Variants in PRDM16 observed in about 807,000 individuals in gnomAD.
The protein encoded by PRDM16 is PR/SET domain 16.
PRDM16 carries 23 observed loss-of-function variants against 110.6 expected under a neutral mutation model. The observed-to-expected ratio is 0.21, with a 90% CI of 0.15 to 0.29. PRDM16 has a LOEUF of 0.29. Among genes scored for constraint, PRDM16 ranks in the 10% least tolerant of loss-of-function variants. The pLI, the probability that PRDM16 is intolerant of heterozygous loss-of-function variation, is 1.00. For synonymous variants in PRDM16, 799 were observed against 781.8 expected (o/e 1.02, Z -0.37); for missense variants, 1,615 against 1,794.3 (o/e 0.90, Z 1.81).
chr1:3,225,981 A>G (rs1173680834), intron 2 of PRDM16, among the ~76,000 whole-genome samples: 3 of 152,232 alleles, frequency 2.0e-5, no homozygotes, highest in Non-Finnish European at 4.4e-5. Flanking sequence ...CTCAGCCCTT[A>G]GTGGTCCCAG....
In PRDM16 at chr1:3,369,393, C is replaced by T. The variant is rs140844248; in HGVS notation, c.439-15759C>T. Among the ~76,000 whole-genome samples the T allele has an allele frequency of 1.0e-3, 154 of 152,280 alleles. 1 individual carries two copies. Among genetic ancestry groups the T allele is most frequent in the African/African-American group, 3.5e-3 (146 of 41,550 alleles). ...TAGCACACAGCTCAAAGCCCATCAC[C>T]GAGCATCTGGGTGGTCTCTGGCTGG... On this transcript the variant is annotated intron_variant, in intron 3 of 16. Coordinates refer to ENST00000270722, the MANE Select transcript of PRDM16 (RefSeq NM_022114.4).
intron 5 of PRDM16, among the ~76,000 whole-genome samples, chr1:3,400,681 C>T (rs1643452000): frequency 6.6e-6 from 1 of 152,212 alleles, no homozygotes; most frequent in African/African-American, 2.4e-5. Context: ...AGGCCCTGGG[C>T]ATCCTCTGGC....
intron 3 of PRDM16, among the ~76,000 whole-genome samples, chr1:3,322,157 CTGTG>C (rs371089810): frequency 0.019 from 2,778 of 149,298 alleles, 89 homozygotes; most frequent in African/African-American, 0.064. Context: ...TGTGAGTGCA[CTGTG>C]TGTGTGTGCT....
At position 3,426,176 on chromosome 1, in the gene PRDM16, T is replaced by C; in HGVS notation, c.3235T>C (p.Phe1079Leu). 1 of 1,613,780 alleles carries C rather than the reference T, an allele frequency of 6.2e-7. No individual in the cohort carries two copies. Among genetic ancestry groups the C allele is most frequent in the Non-Finnish European group, 8.5e-7 (1 of 1,179,880 alleles). Residue 1079 changes from phenylalanine (F) to leucine (L), a missense_variant, in exon 14 of 17, where the codon TTT (phenylalanine) becomes CTT (leucine). Physicochemically the swap from Phe to Leu is conservative, Grantham distance 22 (BLOSUM62 0). This residue lies in a region of PRDM16 where 327 missense variants were observed against 359.3 expected (regional missense o/e 0.91). Transcript: ENST00000270722. ...CTCTTATTTCTCGGAAATCAGAAACTTTATTGCCAATAGTGAGATGAACCA... is the reference window on the plus strand; with the variant it reads ...CTCTTATTTCTCGGAAATCAGAAACCTTATTGCCAATAGTGAGATGAACCA... ...EDSYFSEIRNFIANSEMNQAS... is the reference protein window; with the variant it reads ...EDSYFSEIRNLIANSEMNQAS...
intron 1 of PRDM16, among the ~76,000 whole-genome samples, chr1:3,070,065 T>C (rs1179757176): frequency 2.0e-5 from 3 of 151,716 alleles, no homozygotes; most frequent in Non-Finnish European, 2.9e-5. Flanking sequence ...CGACAGTGCC[T>C]CCGACAGGAG....
intron 1 of PRDM16, among the ~76,000 whole-genome samples, chr1:3,088,929 C>T (rs1642212181): frequency 6.6e-6 from 1 of 152,066 alleles, no homozygotes; most frequent in South Asian, 2.1e-4. Flanking sequence ...GTTACAGGCA[C>T]ATGCCACCGC....
intron 3 of PRDM16, among the ~76,000 whole-genome samples, chr1:3,331,150 C>T (rs1642033661): frequency 6.6e-6 from 1 of 152,244 alleles, no homozygotes; most frequent in Non-Finnish European, 1.5e-5. Flanking sequence ...AGGGGGCCTT[C>T]CTCTGCCCTG....
intron 3 of PRDM16, among the ~76,000 whole-genome samples, chr1:3,259,521 A>G (rs1640117649): frequency 6.6e-6 from 1 of 152,182 alleles, no homozygotes; most frequent in Admixed American, 6.5e-5. Context: ...AATCATGAGA[A>G]AACTGCATTC....
chr1:3,240,421 A>C (rs541953521), intron 2 of PRDM16, among the ~76,000 whole-genome samples: 34 of 151,920 alleles, frequency 2.2e-4, no homozygotes, highest in African/African-American at 8.2e-4. Context: ...AAAAAAAAAA[A>C]AACAGAAAAA....
chr1:3,195,571 C>T (rs996660796), intron 2 of PRDM16, among the ~76,000 whole-genome samples: 1 of 151,744 alleles, frequency 6.6e-6, no homozygotes, highest in South Asian at 2.1e-4. Context: ...TTTTGCCAAT[C>T]GCATCCCACA....
At chr1:3,277,290 G>A (rs1366476566) in intron 3 of PRDM16, among the ~76,000 whole-genome samples, 5 of 152,176 alleles carry the variant, frequency 3.3e-5, no homozygotes, top group Admixed American at 6.5e-5. Context: ...TGCGCCACCC[G>A]GGGATGGCAT....
chr1:3,401,458 A>G (rs78425796), intron 5 of PRDM16, among the ~76,000 whole-genome samples: 7,582 of 152,292 alleles, frequency 0.05, 644 homozygotes, highest in African/African-American at 0.17. Context: ...AAGCACCCAA[A>G]TGCACACACA....
At chr1:3,284,472 T>A (rs1640803338) in intron 3 of PRDM16, among the ~76,000 whole-genome samples, 1 of 152,136 alleles carries the variant, frequency 6.6e-6, no homozygotes, top group Non-Finnish European at 1.5e-5. Flanking sequence ...TGTTTCCCGG[T>A]GGCCTAGGAG....
At chr1:3,094,001 T>C (rs745367744) in intron 1 of PRDM16, among the ~76,000 whole-genome samples, 13 of 152,338 alleles carry the variant, frequency 8.5e-5, no homozygotes, top group Middle Eastern at 6.8e-3. Context: ...GTGGTCAGGC[T>C]GCTGTGTTTC....
Position 3,418,080 on chromosome 1 carries a change from A to G in PRDM16, c.2861+83A>G, listed in dbSNP as rs977140189. ...GTGGCTGTGAACCTGTGCTTCCAGG[A>G]AAAACTCAGAGTCCCGGCCATAGGA... On this transcript the variant is annotated intron_variant, in intron 11 of 16. Transcript: ENST00000270722. 8 of 1,195,578 alleles carry G rather than the reference A, an allele frequency of 6.7e-6. No homozygotes were observed. The South Asian group carries it at 1.0e-4, about 15-fold the overall frequency. 74.1% of individuals were successfully genotyped at this position (1,195,578 alleles called of 1,614,324 possible).
chr1:3,103,682 C>A (rs2993493), intron 1 of PRDM16, among the ~76,000 whole-genome samples: 29,084 of 152,046 alleles, frequency 0.19, 3,138 homozygotes, highest in East Asian at 0.31. Flanking sequence ...CTGTAACTGG[C>A]ATGCACGCAC....
intron 2 of PRDM16, among the ~76,000 whole-genome samples, chr1:3,188,121 A>T (rs752949652): frequency 6.6e-6 from 1 of 152,326 alleles, no homozygotes; most frequent in East Asian, 1.9e-4. Flanking sequence ...GACCAAGGAG[A>T]GCATTTTTCT....
intron 3 of PRDM16, among the ~76,000 whole-genome samples, chr1:3,356,694 T>C (rs1642610186): frequency 6.6e-6 from 1 of 152,114 alleles, no homozygotes; most frequent in Admixed American, 6.5e-5. Flanking sequence ...AAACCCACTT[T>C]ACAGACCAGC....
chr1:3,409,863 T>TG (rs1643648215), intron 8 of PRDM16, among the ~76,000 whole-genome samples: 8 of 101,052 alleles, frequency 7.9e-5, no homozygotes, highest in Admixed American at 6.8e-4. Flanking sequence ...TGTGTGGTGT[T>TG]TGTGTGCATG....
Sources: gnomAD v4.1 joint callset for allele counts (sites outside exome capture counted in the v4.1 genomes callset) on GRCh38, gnomAD v4.1.1 for gene constraint, gnomAD v4.1.1 regional missense constraint, MANE v1.5 for transcripts, NCBI Gene and HGNC (gene_info 2026-07-23, HGNC 2026-07-21) for gene names.